The following THSD4 variants were observed in gnomAD, a reference collection of about 807,000 sequenced individuals.
THSD4 encodes thrombospondin type 1 domain containing 4.
In THSD4, 69 loss-of-function variants were observed where a neutral mutation model predicts 119.0. The observed-to-expected ratio is 0.58, with a 90% CI of 0.48 to 0.71. THSD4 has a LOEUF of 0.71. Among genes scored for constraint, THSD4 ranks in the 30% least tolerant of loss-of-function variants. The probability of loss-of-function intolerance (pLI) is 0.00; values close to 1 mark genes in which losing one functional copy is unlikely to be tolerated. For missense variants in THSD4, 1,393 were observed against 1,391.1 expected, an observed-to-expected ratio of 1.00 and a Z score of -0.02; for synonymous variants, 524 against 540.4, an observed-to-expected ratio of 0.97 and a Z score of 0.42.
chr15:71,245,977 C>T (rs973722734), intron 5 of THSD4, among the ~76,000 whole-genome samples: 4 of 152,130 alleles, frequency 2.6e-5, no homozygotes, highest in Non-Finnish European at 5.9e-5. Flanking sequence ...CATCAATGAC[C>T]TCATGTAGAC....
At chr15:71,258,495 A>G (rs2044348483) in intron 6 of THSD4, among the ~76,000 whole-genome samples, 1 of 152,086 alleles carries the variant, frequency 6.6e-6, no homozygotes, top group Admixed American at 6.5e-5. Flanking sequence ...TGGTTTTGTA[A>G]CATGTTAACA....
At chr15:71,500,318 A>G (rs57513756) in intron 7 of THSD4, among the ~76,000 whole-genome samples, 18,512 of 152,026 alleles carry the variant, frequency 0.12, 1,441 homozygotes, top group African/African-American at 0.22. Flanking sequence ...GCCCATTTTT[A>G]AATTAGATTT....
chr15:71,659,527 T>C (rs2051258306), intron 7 of THSD4, among the ~76,000 whole-genome samples: 1 of 152,150 alleles, frequency 6.6e-6, no homozygotes, highest in African/African-American at 2.4e-5. Flanking sequence ...TCCTCCCACC[T>C]TAGCCTCCCT....
At chr15:71,295,796 G>A (rs971032953) in intron 6 of THSD4, among the ~76,000 whole-genome samples, 2 of 152,032 alleles carry the variant, frequency 1.3e-5, no homozygotes, top group Non-Finnish European at 2.9e-5. Context: ...TTTTTATCAT[G>A]TCAGTAATAT....
At chr15:71,540,395 CA>C (rs2048742849) in intron 7 of THSD4, among the ~76,000 whole-genome samples, 2 of 148,314 alleles carry the variant, frequency 1.3e-5, no homozygotes, top group Admixed American at 1.4e-4. Flanking sequence ...CTCAGGCTCC[CA>C]AAGTGCTGGG....
chr15:71,118,677 C>T (rs979135924), intron 1 of THSD4, among the ~76,000 whole-genome samples: 3 of 152,088 alleles, frequency 2.0e-5, no homozygotes, highest in African/African-American at 7.2e-5. Context: ...TTTTTCTTTG[C>T]GTGTGTATGC....
At chr15:71,320,735 G>T (rs930928515) in intron 6 of THSD4, among the ~76,000 whole-genome samples, 5 of 152,064 alleles carry the variant, frequency 3.3e-5, no homozygotes, top group African/African-American at 1.2e-4. Flanking sequence ...CCAAGAAACC[G>T]CATCAAATAA....
chr15:71,670,669 C>T (rs1205753812), intron 8 of THSD4, among the ~76,000 whole-genome samples: 1 of 151,518 alleles, frequency 6.6e-6, no homozygotes, highest in African/African-American at 2.4e-5. Flanking sequence ...CACAACACGC[C>T]CCGGTGTGAT....
At chr15:71,424,437 G>C (rs1022183216) in intron 7 of THSD4, among the ~76,000 whole-genome samples, 2 of 151,940 alleles carry the variant, frequency 1.3e-5, no homozygotes, top group Non-Finnish European at 2.9e-5. Context: ...TGTCGGCTTC[G>C]GGCTAATTAC....
intron 6 of THSD4, among the ~76,000 whole-genome samples, chr15:71,339,273 C>T (rs533746642): frequency 6.6e-6 from 1 of 152,172 alleles, no homozygotes; most frequent in African/African-American, 2.4e-5. Flanking sequence ...ACTGTTACTT[C>T]TGCCTGAGCC....
upstream of THSD4, among the ~76,000 whole-genome samples, chr15:71,114,177 CT>C (rs2040331367): frequency 6.6e-6 from 1 of 151,950 alleles, no homozygotes; most frequent in Non-Finnish European, 1.5e-5. Flanking sequence ...AATGGTGTTT[CT>C]TTCTTTGGCC....
At chr15:71,355,813 A>C (rs1416127053) in intron 6 of THSD4, among the ~76,000 whole-genome samples, 1 of 152,114 alleles carries the variant, frequency 6.6e-6, no homozygotes, top group African/African-American at 2.4e-5. Flanking sequence ...ACAGGTAAAA[A>C]ATTGAGTCTT....
chr15:71,488,563 T>A (rs1004794496), intron 7 of THSD4, among the ~76,000 whole-genome samples: 1 of 151,986 alleles, frequency 6.6e-6, no homozygotes, highest in South Asian at 2.1e-4. Flanking sequence ...TTAGCAACTT[T>A]CTTCTTTTTT....
chr15:71,776,807 T>C (rs1454360413), intron 17 of THSD4, among the ~76,000 whole-genome samples: 5 of 152,250 alleles, frequency 3.3e-5, no homozygotes, highest in Non-Finnish European at 7.3e-5. Flanking sequence ...CAAATATGAA[T>C]GAATCGCACA....
intron 7 of THSD4, among the ~76,000 whole-genome samples, chr15:71,524,042 C>T (rs535676195): frequency 4.6e-5 from 7 of 152,300 alleles, no homozygotes; most frequent in African/African-American, 1.7e-4. Context: ...ACTTACTTGA[C>T]CATAGGCCTG....
chr15:71,399,136 G>C (rs1596401532), intron 6 of THSD4, among the ~76,000 whole-genome samples: 1 of 152,030 alleles, frequency 6.6e-6, no homozygotes, highest in Admixed American at 6.6e-5. Flanking sequence ...GAGGTGGGGG[G>C]TGCAGTGGTA....
intron 1 of THSD4, among the ~76,000 whole-genome samples, chr15:71,104,122 C>T (rs1382549215): frequency 6.6e-6 from 1 of 152,158 alleles, no homozygotes; most frequent in Non-Finnish European, 1.5e-5. Flanking sequence ...ATAAGGCTCT[C>T]TTTTTGCTTT....
At chr15:71,383,033 T>A (rs778278121) in intron 6 of THSD4, among the ~76,000 whole-genome samples, 3 of 152,228 alleles carry the variant, frequency 2.0e-5, no homozygotes, top group Non-Finnish European at 2.9e-5. Flanking sequence ...GGGGTTGGGG[T>A]TGAGTCAAGG....
At chr15:71,233,917 C>T (rs2044081429) in intron 4 of THSD4, among the ~76,000 whole-genome samples, 1 of 152,182 alleles carries the variant, frequency 6.6e-6, no homozygotes, top group Non-Finnish European at 1.5e-5. Context: ...CCCCTCTTCC[C>T]AGGAGGTGTG....
Sources: gnomAD v4.1 joint callset for allele counts (sites outside exome capture counted in the v4.1 genomes callset) on GRCh38, gnomAD v4.1.1 for gene constraint, MANE v1.5 for transcripts, NCBI Gene and HGNC (gene_info 2026-07-23, HGNC 2026-07-21) for gene names.